The following NTM variants were observed in gnomAD, a reference collection of about 807,000 sequenced individuals.
NTM encodes the protein neurotrimin, also known as IgLON family member 2.
Under a neutral mutation model 42.1 loss-of-function variants are expected in NTM, and 13 were observed. That is an observed-to-expected ratio of 0.31 (90% CI 0.20 to 0.49). The LOEUF is 0.49. Among genes scored for constraint, NTM ranks in the 20% least tolerant of loss-of-function variants. The pLI is 0.99. For synonymous variants in NTM, 187 were observed against 179.2 expected, an observed-to-expected ratio of 1.04 and a Z score of -0.35; for missense variants, 373 against 452.8, an observed-to-expected ratio of 0.82 and a Z score of 1.60.
chr11:131,773,420 T>TA (rs1223088562), intron 1 of NTM, among the ~76,000 whole-genome samples: 3 of 152,260 alleles, frequency 2.0e-5, no homozygotes, highest in East Asian at 1.9e-4. Flanking sequence ...TGCCTATACT[T>TA]ACATTTCTTT....
chr11:131,616,786 T>TGG lies in NTM; in HGVS notation c.82+245899_82+245900insGG, dbSNP rs1376553720. On this transcript the variant is annotated intron_variant, in intron 1 of 8. Coordinates refer to ENST00000683400, the MANE Select transcript of NTM (RefSeq NM_001352005.2). The stretch of plus-strand genomic sequence containing the variant: ...GCACACTGTCTTGAGGGGGTGTGTG[T>TGG]GTGTGTGTGTGTGTGTGTGTGTGTG... Among the ~76,000 whole-genome samples the TGG allele has an allele frequency of 1.0e-3, 147 of 140,324 alleles. 2 individuals carry two copies. The highest frequency in any genetic ancestry group is 4.1e-3 in the African/African-American group (144 of 34,900). The allele number at this position is 140,324 out of a possible 152,430, so 92.1% of individuals were successfully genotyped here.
chr11:131,928,786 C>A lies in NTM; in HGVS notation c.167+17138C>A, dbSNP rs191712142. On this transcript the variant is annotated intron_variant, in intron 2 of 8. Coordinates refer to ENST00000683400, the MANE Select transcript of NTM (RefSeq NM_001352005.2). ...CTCCCGTCTGTGTTTTGTCCCACTG[C>A]AAACTCTGAACTCACCATTCCCCAT... Among the ~76,000 whole-genome samples the A allele has an allele frequency of 9.8e-5, 15 of 152,300 alleles. No individual in the cohort carries two copies. In the East Asian group the frequency reaches 2.3e-3, roughly 24 times the overall value.
In NTM at chr11:132,336,704, G is replaced by A. The variant is rs1308059345; in HGVS notation, c.*1558G>A. The A allele has an allele frequency of 2.0e-5, 3 of 150,102 alleles. No homozygotes were observed. Among genetic ancestry groups the A allele is most frequent in the African/African-American group, 4.9e-5 (2 of 41,000 alleles). 9.3% of individuals were successfully genotyped at this position (150,102 alleles called of 1,614,324 possible). ...TTTTTCCCCTCCCCTGAAAGTCTGGGAACCTGAGAGTCCTCGGGGAGGGGT... is the reference window on the plus strand; with the variant it reads ...TTTTTCCCCTCCCCTGAAAGTCTGGAAACCTGAGAGTCCTCGGGGAGGGGT... On this transcript the variant is annotated 3_prime_UTR_variant, in exon 9 of 9. Transcript: ENST00000683400.
intron 2 of NTM, among the ~76,000 whole-genome samples, chr11:132,104,006 C>G (rs34307357): frequency 0.048 from 7,385 of 152,284 alleles, 209 homozygotes; most frequent in Non-Finnish European, 0.076. Context: ...ATGGTATACA[C>G]CAACTTGTAT....
chr11:131,794,910 T>C (rs930675281), intron 1 of NTM: 3 of 984,550 alleles, frequency 3.0e-6, no homozygotes, highest in Admixed American at 1.2e-4. Context: ...GCAGGGAGTG[T>C]TGGGTAACCA....
chr11:132,106,897 G>A (rs2136666668), intron 2 of NTM, among the ~76,000 whole-genome samples: 1 of 152,238 alleles, frequency 6.6e-6, no homozygotes, highest in East Asian at 1.9e-4. Context: ...GCCATAGATA[G>A]TCACAACTGG....
chr11:132,030,680 G>A (rs1036327516), intron 2 of NTM, among the ~76,000 whole-genome samples: 1 of 152,182 alleles, frequency 6.6e-6, no homozygotes, highest in Non-Finnish European at 1.5e-5. Context: ...CCAAAGCCCT[G>A]TGGCAGGAGT....
At chr11:131,940,616 G>C (rs927452564) in intron 2 of NTM, among the ~76,000 whole-genome samples, 1 of 152,196 alleles carries the variant, frequency 6.6e-6, no homozygotes, top group Non-Finnish European at 1.5e-5. Flanking sequence ...GTCCCAAAGC[G>C]TTCAGTAATG....
chr11:131,925,382 T>C (rs1169267796), intron 2 of NTM, among the ~76,000 whole-genome samples: 1 of 134,576 alleles, frequency 7.4e-6, no homozygotes, highest in Non-Finnish European at 1.6e-5. Context: ...CTTTCTTTTC[T>C]CTTTTTTTTT....
intron 1 of NTM, among the ~76,000 whole-genome samples, chr11:131,695,430 A>G (rs1307160899): frequency 6.6e-6 from 1 of 152,190 alleles, no homozygotes; most frequent in Non-Finnish European, 1.5e-5. Flanking sequence ...AGATTGTCTC[A>G]TTGAATTTTT....
chr11:131,516,527 A>T (rs1324827735), intron 1 of NTM, among the ~76,000 whole-genome samples: 1 of 152,060 alleles, frequency 6.6e-6, no homozygotes, highest in African/African-American at 2.4e-5. Flanking sequence ...ACAGGCACGT[A>T]CCACCATGCC....
intron 1 of NTM, among the ~76,000 whole-genome samples, chr11:131,438,052 G>A (rs1949297942): frequency 6.6e-6 from 1 of 152,162 alleles, no homozygotes; most frequent in South Asian, 2.1e-4. Context: ...GCTTAGTTTG[G>A]CTGGATATGA....
intron 2 of NTM, among the ~76,000 whole-genome samples, chr11:131,988,646 C>T (rs1447092762): frequency 1.3e-5 from 2 of 152,086 alleles, no homozygotes; most frequent in Non-Finnish European, 2.9e-5. Flanking sequence ...ATGAACATTG[C>T]CACATCCATT....
At chr11:131,410,533 A>C (rs931604022) in intron 1 of NTM, among the ~76,000 whole-genome samples, 3 of 149,264 alleles carry the variant, frequency 2.0e-5, no homozygotes, top group Admixed American at 1.3e-4. Context: ...AAAAAAAAAA[A>C]AAAAAAAAAA....
At chr11:131,998,856 C>A (rs2068638931) in intron 2 of NTM, among the ~76,000 whole-genome samples, 1 of 152,132 alleles carries the variant, frequency 6.6e-6, no homozygotes, top group Admixed American at 6.5e-5. Flanking sequence ...TTATGCCTGG[C>A]AGAGAACCAT....
In NTM at chr11:132,313,149, A is replaced by ACAAAG. The variant is rs2095327240; in HGVS notation, c.783-1400_783-1396dup. ...CACAGAGACAGGTCTTCAGATAATGACAAAGCAGCTGCACTCTATGCCAAA... is the reference window on the plus strand; with the variant it reads ...CACAGAGACAGGTCTTCAGATAATGACAAAGCAAAGCAGCTGCACTCTATGCCAAA... On this transcript the variant is annotated intron_variant, in intron 6 of 8. Coordinates refer to ENST00000683400, the MANE Select transcript of NTM (RefSeq NM_001352005.2). Among the ~76,000 whole-genome samples the ACAAAG allele has an allele frequency of 2.1e-5, 3 of 144,612 alleles. No homozygotes were observed. The South Asian group carries it at 6.6e-4, about 32-fold the overall frequency. 94.9% of individuals were successfully genotyped at this position (144,612 alleles called of 152,430 possible).
intron 2 of NTM, among the ~76,000 whole-genome samples, chr11:131,962,120 T>G (rs2062254250): frequency 6.6e-6 from 1 of 152,048 alleles, no homozygotes; most frequent in South Asian, 2.1e-4. Flanking sequence ...TCCTTATGGC[T>G]CCTTAGCATA....
At chr11:131,635,827 C>T (rs1038359865) in intron 1 of NTM, among the ~76,000 whole-genome samples, 5 of 152,168 alleles carry the variant, frequency 3.3e-5, no homozygotes, top group African/African-American at 1.2e-4. Context: ...ATAGTAAGTG[C>T]CCTATACAGG....
At chr11:131,597,328 T>A (rs2059900255) in intron 1 of NTM, among the ~76,000 whole-genome samples, 1 of 152,124 alleles carries the variant, frequency 6.6e-6, no homozygotes, top group Admixed American at 6.5e-5. Context: ...TCTGTCTCTC[T>A]GTCTCTCTCT....
Sources: allele counts gnomAD v4.1 joint callset (sites outside exome capture counted in the v4.1 genomes callset), GRCh38; gene constraint gnomAD v4.1.1; transcripts MANE v1.5; gene names NCBI Gene and HGNC (gene_info 2026-07-23, HGNC 2026-07-21).